Variants in TMEM217 observed in about 807,000 individuals in gnomAD.
TMEM217 encodes the protein chromosome 6 open reading frame 128.
For synonymous variants in TMEM217, 76 were observed against 88.3 expected (o/e 0.86, Z 0.78); for missense variants, 204 against 248.8 (o/e 0.82, Z 1.21).
chr6:37,234,809 T>C (rs891767439), intron 1 of TMEM217, among the ~76,000 whole-genome samples: 20 of 151,590 alleles, frequency 1.3e-4, no homozygotes, highest in African/African-American at 4.9e-4. Flanking sequence ...GGAGGGGAAA[T>C]AGAAGAACTG....
At chr6:37,224,298 T>C (rs1173615261) in intron 1 of TMEM217, among the ~76,000 whole-genome samples, 1 of 150,452 alleles carries the variant, frequency 6.6e-6, no homozygotes, top group Non-Finnish European at 1.5e-5. Flanking sequence ...TGCAGCTCAT[T>C]AAAAAAGAAA....
At chr6:37,216,281 G>C (rs1763200402), downstream of TMEM217, among the ~76,000 whole-genome samples, 1 of 152,036 alleles carries the variant, frequency 6.6e-6, no homozygotes, top group Non-Finnish European at 1.5e-5. Context: ...GTCTCACCAT[G>C]TTGGCCAGGC....
At chr6:37,220,934 TAC>T (rs1454564398) in intron 1 of TMEM217, among the ~76,000 whole-genome samples, 2 of 152,062 alleles carry the variant, frequency 1.3e-5, no homozygotes, top group Non-Finnish European at 2.9e-5. Context: ...GCATATATAA[TAC>T]ACAGATATAT....
At position 37,255,903 on chromosome 6, in the gene TMEM217, T is replaced by G. The variant is rs564553149; in HGVS notation, c.-12+1665A>C. Among the ~76,000 whole-genome samples the G allele has an allele frequency of 3.9e-5, 6 of 152,304 alleles. No individual in the cohort carries two copies. The East Asian group carries it at 1.2e-3, about 29-fold the overall frequency. On this transcript the variant is annotated intron_variant, in intron 1 of 1. Coordinates refer to ENST00000357219, the Ensembl canonical transcript of TMEM217. The stretch of plus-strand genomic sequence containing the variant: ...AACTGATGTGAATTTTTAAAAAATC[T>G]TGGAGGGGAAACTGATATAGAAAAC...
At chr6:37,221,297 G>A (rs908032633) in intron 1 of TMEM217, among the ~76,000 whole-genome samples, 2 of 151,446 alleles carry the variant, frequency 1.3e-5, no homozygotes, top group South Asian at 2.1e-4. Context: ...AGCGATTCTC[G>A]TGCCTCAGCC....
chr6:37,222,566 TGAAGTGGGAGGCCCAG>T (rs993329801), intron 1 of TMEM217, among the ~76,000 whole-genome samples: 6 of 152,062 alleles, frequency 3.9e-5, no homozygotes, highest in Admixed American at 6.5e-5. Flanking sequence ...GCCTGCTCAG[TGAAGTGGGAGGCCCAG>T]GTCTGCAGCC....
rs764455112 is a variant in TMEM217, at chr6:37,238,339, GCTA to G, written c.-12+19226_-12+19228del. Among the ~76,000 whole-genome samples, 82 of 152,292 alleles carry G rather than the reference GCTA, an allele frequency of 5.4e-4. No individual in the cohort carries two copies. The Middle Eastern group carries it at 0.014, about 25-fold the overall frequency. On this transcript the variant is annotated intron_variant, in intron 1 of 1. Coordinates refer to ENST00000357219, the Ensembl canonical transcript of TMEM217. ...TATTTTTACTTTATGCCAAGGAGTA[GCTA>G]CTATTTATTATGCATATAAAACTAC...
downstream of TMEM217, among the ~76,000 whole-genome samples, chr6:37,215,867 G>A (rs1331450371): frequency 6.6e-6 from 1 of 152,134 alleles, no homozygotes; most frequent in Non-Finnish European, 1.5e-5. Flanking sequence ...TTTGGAAACA[G>A]CAAGTTTGCC....
intron 1 of TMEM217, among the ~76,000 whole-genome samples, chr6:37,252,631 A>ATTT (rs1285210773): frequency 7.2e-4 from 56 of 77,298 alleles, no homozygotes; most frequent in African/African-American, 3.4e-3. Flanking sequence ...ATATATATAT[A>ATTT]TATATATTTT....
At chr6:37,236,518 G>A (rs1583467857) in intron 1 of TMEM217, among the ~76,000 whole-genome samples, 1 of 152,048 alleles carries the variant, frequency 6.6e-6, no homozygotes, top group East Asian at 1.9e-4. Context: ...GGAATAATAG[G>A]CCATTATAGG....
intron 1 of TMEM217, among the ~76,000 whole-genome samples, chr6:37,256,326 C>G (rs1018297576): frequency 1.3e-5 from 2 of 152,162 alleles, no homozygotes; most frequent in African/African-American, 4.8e-5. Context: ...AAACAGCCAG[C>G]AAAAGGTCTG....
Position 37,251,526 on chromosome 6 carries a change from G to A in TMEM217, c.-12+6042C>T, listed in dbSNP as rs145224032. 7.5e-4 allele frequency among the ~76,000 whole-genome samples: 115 copies of A among 152,328 alleles called. 1 individual carries two copies. In the East Asian group the frequency reaches 0.016, roughly 21 times the overall value. On this transcript the variant is annotated intron_variant, in intron 1 of 1. Transcript: ENST00000357219. ...TAAGATGAGTAAACTAGAGCTCAAT[G>A]TATTAACAGAATGTTGAGTGAAAAA...
intron 1 of TMEM217, among the ~76,000 whole-genome samples, chr6:37,245,695 CAGGAGG>C (rs988962091): frequency 1.3e-5 from 2 of 151,402 alleles, no homozygotes; most frequent in African/African-American, 2.4e-5. Flanking sequence ...AGAGGAGGAG[CAGGAGG>C]AGGAGGAGGA....
At chr6:37,257,764 G>A in exon 1 of TMEM217, 2 of 768,994 alleles carry the variant, frequency 2.6e-6, no homozygotes, top group Non-Finnish European at 4.2e-6. Flanking sequence ...CTGGGTGGAG[G>A]GGTGCCCACA....
intron 1 of TMEM217, among the ~76,000 whole-genome samples, chr6:37,224,734 G>A (rs1440369777): frequency 6.6e-6 from 1 of 152,128 alleles, no homozygotes; most frequent in Non-Finnish European, 1.5e-5. Context: ...GGGATTACAG[G>A]AGTGAGCCAC....
chr6:37,238,247 T>G (rs1764593684), intron 1 of TMEM217, among the ~76,000 whole-genome samples: 1 of 152,118 alleles, frequency 6.6e-6, no homozygotes, highest in Non-Finnish European at 1.5e-5. Flanking sequence ...TTTAAAACAT[T>G]CAGAACAGTT....
intron 1 of TMEM217, among the ~76,000 whole-genome samples, chr6:37,256,118 T>C (rs1448974197): frequency 6.6e-6 from 1 of 152,182 alleles, no homozygotes; most frequent in African/African-American, 2.4e-5. Flanking sequence ...TTCTGGAACA[T>C]CTCTAAAGCC....
chr6:37,242,666 C>T (rs1406304251), intron 1 of TMEM217, among the ~76,000 whole-genome samples: 1 of 152,182 alleles, frequency 6.6e-6, no homozygotes, highest in East Asian at 1.9e-4. Context: ...AGGGGTATTG[C>T]TAAGCATTCC....
chr6:37,214,225 TTCTC>T (rs370031606), downstream of TMEM217, among the ~76,000 whole-genome samples: 15 of 150,104 alleles, frequency 1.0e-4, 1 homozygote, highest in East Asian at 7.8e-4. Context: ...AGAACTTCCT[TTCTC>T]TCTCTCTCTC....
Sources: gnomAD v4.1 joint callset for allele counts (sites outside exome capture counted in the v4.1 genomes callset) on GRCh38, gnomAD v4.1.1 for gene constraint, MANE v1.5 for transcripts, NCBI Gene and HGNC (gene_info 2026-07-23, HGNC 2026-07-21) for gene names.